GALNT13: variants seen among roughly 807,000 people sequenced by gnomAD.
GALNT13 encodes the protein UDP-GalNAc:polypeptide N-acetylgalactosaminyltransferase 13.
GALNT13 carries 28 observed loss-of-function variants against 64.2 expected under a neutral mutation model. That is an observed-to-expected ratio of 0.44 (90% CI 0.32 to 0.60). GALNT13 has a LOEUF of 0.60. GALNT13 is among the 20% of genes least tolerant of loss of function. The pLI, the probability that GALNT13 is intolerant of heterozygous loss-of-function variation, is 0.05. For synonymous variants in GALNT13, 214 were observed against 224.6 expected (o/e 0.95, Z 0.42); for missense variants, 577 against 669.8 (o/e 0.86, Z 1.53).
intron 10 of GALNT13, among the ~76,000 whole-genome samples, chr2:154,402,557 T>C (rs111553787): frequency 8.8e-4 from 134 of 152,350 alleles, no homozygotes; most frequent in African/African-American, 3.1e-3. Context: ...CCTTGTGCCA[T>C]ATATTCAAAC....
chr2:153,644,987 T>C, the GALNT13 span, among the ~76,000 whole-genome samples: 2 of 152,150 alleles, frequency 1.3e-5, no homozygotes, highest in African/African-American at 2.4e-5. Context: ...AACATTATGA[T>C]GAAACATTTG....
At chr2:154,426,219 C>G (rs138881946) in intron 11 of GALNT13, among the ~76,000 whole-genome samples, 3 of 152,298 alleles carry the variant, frequency 2.0e-5, no homozygotes, top group African/African-American at 7.2e-5. Context: ...TGTTGTCTGG[C>G]TCTCTGCCAG....
At chr2:154,341,736 A>G (rs773005166) in intron 9 of GALNT13, among the ~76,000 whole-genome samples, 1 of 152,074 alleles carries the variant, frequency 6.6e-6, no homozygotes, top group Non-Finnish European at 1.5e-5. Context: ...AAGGAGTGAC[A>G]TGATGTAACT....
At chr2:153,201,973 C>CTTTTTTTT in the GALNT13 span, among the ~76,000 whole-genome samples, 1 of 108,900 alleles carries the variant, frequency 9.2e-6, no homozygotes, top group Non-Finnish European at 1.8e-5. Context: ...CCACCCATTT[C>CTTTTTTTT]TTTTTTTTTT....
At chr2:154,415,230 C>T (rs1699960830) in intron 11 of GALNT13, among the ~76,000 whole-genome samples, 3 of 151,542 alleles carry the variant, frequency 2.0e-5, no homozygotes. Context: ...TACTTTGAAA[C>T]TAATCACTGT....
the GALNT13 span, among the ~76,000 whole-genome samples, chr2:153,730,499 A>C: frequency 3.4e-4 from 51 of 151,938 alleles, no homozygotes; most frequent in South Asian, 1.5e-3. Context: ...ATAGGAAATC[A>C]CAGGGATAAT....
At chr2:154,402,045 T>G (rs911150771) in intron 10 of GALNT13, among the ~76,000 whole-genome samples, 2 of 152,234 alleles carry the variant, frequency 1.3e-5, no homozygotes, top group Non-Finnish European at 2.9e-5. Context: ...ACTGCAAATG[T>G]GCTTATTTCT....
chr2:153,956,641 C>G (rs1202868854), intron 3 of GALNT13, among the ~76,000 whole-genome samples: 1 of 152,028 alleles, frequency 6.6e-6, no homozygotes, highest in Non-Finnish European at 1.5e-5. Flanking sequence ...TCATGATGTT[C>G]TCTACATCTC....
At chr2:153,780,233 A>G in the GALNT13 span, among the ~76,000 whole-genome samples, 5 of 9,152 alleles carry the variant, frequency 5.5e-4, no homozygotes, top group Non-Finnish European at 8.2e-4. Context: ...ATATATATAT[A>G]TATATATATA....
chr2:153,827,055 A>G, the GALNT13 span, among the ~76,000 whole-genome samples: 3 of 152,092 alleles, frequency 2.0e-5, no homozygotes, highest in African/African-American at 7.2e-5. Flanking sequence ...TACAAAAGAA[A>G]GAAGTTTATT....
chr2:153,090,553 G>A, the GALNT13 span, among the ~76,000 whole-genome samples: 1 of 152,344 alleles, frequency 6.6e-6, no homozygotes, highest in African/African-American at 2.4e-5. Context: ...ATGAGTTGCT[G>A]TAATGGGCTA....
chr2:153,228,861 G>T, the GALNT13 span, among the ~76,000 whole-genome samples: 1 of 103,002 alleles, frequency 9.7e-6, no homozygotes, highest in South Asian at 3.4e-4. Context: ...GACAGAGCGA[G>T]ACTGTCTCAA....
chr2:153,205,674 C>T, the GALNT13 span, among the ~76,000 whole-genome samples: 1 of 152,112 alleles, frequency 6.6e-6, no homozygotes, highest in Non-Finnish European at 1.5e-5. Context: ...ATAAGCCTTG[C>T]TGAGCACTTT....
the GALNT13 span, among the ~76,000 whole-genome samples, chr2:153,790,448 A>C: frequency 3.3e-5 from 5 of 152,190 alleles, no homozygotes; most frequent in Non-Finnish European, 5.9e-5. Context: ...GGAGGAACAT[A>C]CCTCAAAATA....
chr2:153,208,995 TTGAGACGGAGTCTTGCG>T, the GALNT13 span, among the ~76,000 whole-genome samples: 1 of 127,678 alleles, frequency 7.8e-6, no homozygotes, highest in Non-Finnish European at 1.7e-5. Context: ...TTTTTTTTTT[TTGAGACGGAGTCTTGCG>T]TTTTCACCCA....
the GALNT13 span, chr2:153,478,516 G>T: frequency 2.0e-5 from 32 of 1,607,686 alleles, no homozygotes; most frequent in Non-Finnish European, 2.7e-5. Context: ...GCTGCTGTTG[G>T]CCAGGAACAG....
At chr2:154,348,741 G>C (rs1696215113) in intron 9 of GALNT13, among the ~76,000 whole-genome samples, 1 of 151,844 alleles carries the variant, frequency 6.6e-6, no homozygotes, top group African/African-American at 2.4e-5. Context: ...CCTTCACAAA[G>C]CCCTCTTTGT....
chr2:153,095,193 A>G, the GALNT13 span, among the ~76,000 whole-genome samples: 1 of 152,210 alleles, frequency 6.6e-6, no homozygotes. Flanking sequence ...AATTTACAAG[A>G]AAAAATCAAA....
At chr2:154,399,296 T>C (rs62172331) in intron 10 of GALNT13, among the ~76,000 whole-genome samples, 30,164 of 151,968 alleles carry the variant, frequency 0.2, 3,068 homozygotes, top group African/African-American at 0.22. Flanking sequence ...TCTTAGTCCA[T>C]TAGGGCTGCT....
Sources: gnomAD v4.1 joint callset for allele counts (sites outside exome capture counted in the v4.1 genomes callset) on GRCh38, gnomAD v4.1.1 for gene constraint, MANE v1.5 for transcripts, NCBI Gene and HGNC (gene_info 2026-07-23, HGNC 2026-07-21) for gene names.